VAV3: variants seen among roughly 807,000 people sequenced by gnomAD.
The protein encoded by VAV3 is guanine nucleotide exchange factor VAV3.
A neutral mutation model predicts 131.2 loss-of-function variants in VAV3; 94 were observed. The observed-to-expected ratio is 0.72, with a 90% confidence interval of 0.61 to 0.85. VAV3 has a LOEUF of 0.85. Among genes scored for constraint, VAV3 ranks in the 40% least tolerant of loss-of-function variants. The pLI is 0.00. For synonymous variants in VAV3, 349 were observed against 342.0 expected (o/e 1.02, Z -0.22); for missense variants, 939 against 1,002.7 (o/e 0.94, Z 0.86).
intron 19 of VAV3, chr1:107,672,383 C>T (rs1414216674): frequency 2.0e-5 from 3 of 150,904 alleles, no homozygotes; most frequent in African/African-American, 7.3e-5. Context: ...AAAATCTATT[C>T]CTTAAATAAA....
At chr1:107,751,001 T>A in intron 13 of VAV3, 116 bp downstream of exon 13, 1 of 989,358 alleles carries the variant, frequency 1.0e-6, no homozygotes, top group South Asian at 1.5e-5. Context: ...TTGGTCTGTC[T>A]CCTTGTATTT....
intron 2 of VAV3, among the ~76,000 whole-genome samples, chr1:107,826,279 G>C (rs187405774): frequency 7.7e-6 from 1 of 130,070 alleles, no homozygotes; most frequent in African/African-American, 2.5e-5. Flanking sequence ...GCTCCATTAC[G>C]CTACTTGCTA....
At chr1:107,633,641 TG>T in intron 20 of VAV3, among the ~76,000 whole-genome samples, 1 of 152,274 alleles carries the variant, frequency 6.6e-6, no homozygotes, top group African/African-American at 2.4e-5. Flanking sequence ...GGGCTGGCCA[TG>T]TCTTGCTTTA....
intron 17 of VAV3, among the ~76,000 whole-genome samples, chr1:107,703,135 A>C (rs1408291584): frequency 6.6e-6 from 1 of 152,166 alleles, no homozygotes; most frequent in Non-Finnish European, 1.5e-5. Flanking sequence ...GAATTTATAT[A>C]AACATTAGCC....
intron 2 of VAV3, among the ~76,000 whole-genome samples, chr1:107,831,890 A>T (rs1251360698): frequency 1.3e-5 from 2 of 152,254 alleles, no homozygotes; most frequent in African/African-American, 4.8e-5. Flanking sequence ...TTAGGTATGT[A>T]AAATTGCACC....
intron 2 of VAV3, among the ~76,000 whole-genome samples, chr1:107,817,786 G>A (rs556590404): frequency 1.3e-5 from 2 of 152,056 alleles, no homozygotes; most frequent in Non-Finnish European, 2.9e-5. Flanking sequence ...ACCTATAGTT[G>A]TGCCAAGGCC....
intron 15 of VAV3, among the ~76,000 whole-genome samples, chr1:107,719,181 G>A (rs1661323990): frequency 6.6e-6 from 1 of 152,124 alleles, no homozygotes; most frequent in Non-Finnish European, 1.5e-5. Flanking sequence ...CAAAAGCAAT[G>A]GTAACAGAAG....
At chr1:107,962,197 A>T (rs2101413262) in intron 1 of VAV3, among the ~76,000 whole-genome samples, 1 of 152,278 alleles carries the variant, frequency 6.6e-6, no homozygotes, top group East Asian at 1.9e-4. Context: ...ACATACCAAA[A>T]CGCCACAAGT....
chr1:107,847,949 G>A (rs142501153), intron 2 of VAV3, among the ~76,000 whole-genome samples: 1 of 152,136 alleles, frequency 6.6e-6, no homozygotes, highest in Non-Finnish European at 1.5e-5. Flanking sequence ...ACCTGGCAGA[G>A]ACACAACAAA....
chr1:107,815,171 G>T (rs1365168959), intron 2 of VAV3, among the ~76,000 whole-genome samples: 1 of 152,160 alleles, frequency 6.6e-6, no homozygotes, highest in Non-Finnish European at 1.5e-5. Context: ...CATGAATAGT[G>T]TCTCTCTTAG....
At chr1:107,587,358 A>C (rs1650581237) in intron 25 of VAV3, among the ~76,000 whole-genome samples, 1 of 152,200 alleles carries the variant, frequency 6.6e-6, no homozygotes, top group Non-Finnish European at 1.5e-5. Flanking sequence ...GTCATATATC[A>C]GGAAAAAAGA....
chr1:107,723,555 A>G (rs529359998), intron 15 of VAV3, among the ~76,000 whole-genome samples: 145 of 104,676 alleles, frequency 1.4e-3, no homozygotes, highest in African/African-American at 4.3e-3. Context: ...ATTCCAGAGT[A>G]ATGTTTCCAG....
intron 20 of VAV3, among the ~76,000 whole-genome samples, chr1:107,642,266 T>C (rs550422229): frequency 1.3e-5 from 2 of 152,216 alleles, no homozygotes; most frequent in African/African-American, 4.8e-5. Context: ...GGCTAAATCC[T>C]ACCAAAACCA....
At chr1:107,920,967 G>C (rs1672870226) in intron 1 of VAV3, among the ~76,000 whole-genome samples, 3 of 152,124 alleles carry the variant, frequency 2.0e-5, no homozygotes, top group Non-Finnish European at 4.4e-5. Context: ...AAACTTATTA[G>C]TATTTTAATT....
At chr1:107,753,159 A>G (rs541188658) in intron 12 of VAV3, among the ~76,000 whole-genome samples, 1 of 152,274 alleles carries the variant, frequency 6.6e-6, no homozygotes, top group Non-Finnish European at 1.5e-5. Context: ...CATGACTACT[A>G]CAAGGATGAA....
chr1:107,939,864 A>G (rs989401480), intron 1 of VAV3, among the ~76,000 whole-genome samples: 1 of 151,966 alleles, frequency 6.6e-6, no homozygotes, highest in Non-Finnish European at 1.5e-5. Context: ...ACCCCCATGC[A>G]CCAGAAAGAA....
chr1:107,653,473 T>G lies in VAV3; in HGVS notation c.1778-10718A>C, dbSNP rs150095042. The stretch of plus-strand genomic sequence containing the variant: ...TCTAACCTGCTCAGTCATTGTAAAC[T>G]TCTATGAGTCCACTTTCAAACTCTG... On this transcript the variant is annotated intron_variant, in intron 19 of 26. Coordinates refer to ENST00000370056, the MANE Select transcript of VAV3 (RefSeq NM_006113.5). Among the ~76,000 whole-genome samples, 1,309 of 152,162 alleles carry G rather than the reference T, an allele frequency of 8.6e-3. 12 individuals are homozygous for G. The highest frequency in any genetic ancestry group is 0.013 in the Non-Finnish European group (906 of 67,968).
chr1:107,608,378 C>A (rs977012132), intron 22 of VAV3, among the ~76,000 whole-genome samples: 20 of 152,114 alleles, frequency 1.3e-4, no homozygotes, highest in Non-Finnish European at 2.9e-5. Context: ...GAGAAGAAAC[C>A]TAATCATCAC....
At chr1:107,846,258 T>C (rs1557879335) in intron 2 of VAV3, among the ~76,000 whole-genome samples, 1 of 152,218 alleles carries the variant, frequency 6.6e-6, no homozygotes, top group East Asian at 1.9e-4. Context: ...TGAGAGATTT[T>C]ATCACCACCA....
Sources: allele counts gnomAD v4.1 joint callset (sites outside exome capture counted in the v4.1 genomes callset), GRCh38; gene constraint gnomAD v4.1.1; transcripts MANE v1.5; gene names NCBI Gene and HGNC (gene_info 2026-07-23, HGNC 2026-07-21).